The following FGD5 variants were observed in gnomAD, a reference collection of about 807,000 sequenced individuals.
FGD5 encodes the protein FYVE, RhoGEF and PH domain containing 5.
A neutral mutation model predicts 133.4 loss-of-function variants in FGD5; 28 were observed. The ratio of observed to expected loss-of-function variants is 0.21; its 90% CI spans 0.16 to 0.29. FGD5 has a LOEUF of 0.29. Among genes scored for constraint, FGD5 ranks in the 10% least tolerant of loss-of-function variants. FGD5 has a pLI of 1.00. For missense variants in FGD5, 1,858 were observed against 1,895.2 expected (o/e 0.98, Z 0.36); for synonymous variants, 810 against 776.5 (o/e 1.04, Z -0.72).
At position 14,933,108 on chromosome 3, in the gene FGD5, G is replaced by C. The variant is rs1161913870; in HGVS notation, c.4353-23G>C. ...CATAGGCAGAGCCGCAAAACCAAAT[G>C]TCCTCCCTGTTTTGTTTTATAGGTG... On this transcript the variant is annotated intron_variant, in intron 19 of 19. Transcript: ENST00000285046. 4 of 1,612,130 alleles carry C rather than the reference G, an allele frequency of 2.5e-6. No individual in the cohort carries two copies. The East Asian group carries it at 8.9e-5, about 36-fold the overall frequency.
intron 4 of FGD5, among the ~76,000 whole-genome samples, chr3:14,893,740 C>CTTTTCTT (rs1216041348): frequency 7.8e-6 from 1 of 128,560 alleles, no homozygotes; most frequent in East Asian, 2.2e-4. Context: ...CTTTTTCTTT[C>CTTTTCTT]TTTTCTTTTT....
intron 10 of FGD5, among the ~76,000 whole-genome samples, chr3:14,908,496 C>G (rs575593323): frequency 6.6e-6 from 1 of 151,398 alleles, no homozygotes; most frequent in South Asian, 2.1e-4. Context: ...CACCATGATC[C>G]CAAACGTTGA....
chr3:14,918,795 G>T lies in FGD5; in HGVS notation c.3531G>T (p.Lys1177Asn), dbSNP rs2038613771. Residue 1177 changes from lysine to asparagine, a missense_variant, in exon 13 of 20, where the codon AAG becomes AAT. Lys to Asn is a moderately conservative substitution (Grantham distance 94). Transcript: ENST00000285046. ...PVMEKVPYAL[K>N]IETSESCLML... ...TGGAGAAAGTGCCCTACGCTCTAAA[G>T]ATTGAGACTTCCGAGTCCTGCCTGA... 1.2e-6 allele frequency: 2 copies of T among 1,614,010 alleles called. No individual in the cohort carries two copies. Among genetic ancestry groups the T allele is most frequent in the East Asian group, 4.5e-5 (2 of 44,880 alleles).
intron 2 of FGD5, among the ~76,000 whole-genome samples, chr3:14,868,809 C>T (rs1006159516): frequency 1.3e-5 from 2 of 152,162 alleles, no homozygotes; most frequent in African/African-American, 4.8e-5. Context: ...ATATACTGAG[C>T]GTCTACTCTG....
At chr3:14,839,166 C>T (rs553874231) in intron 1 of FGD5, among the ~76,000 whole-genome samples, 1 of 152,350 alleles carries the variant, frequency 6.6e-6, no homozygotes, top group East Asian at 1.9e-4. Flanking sequence ...GGGAAATGCA[C>T]AGGCTTCTGG....
Position 14,833,478 on chromosome 3 carries a change from G to A in FGD5, c.2525+11882G>A, listed in dbSNP as rs1027788097. 4.6e-5 allele frequency among the ~76,000 whole-genome samples: 7 copies of A among 152,118 alleles called. No homozygotes were observed. The East Asian group carries it at 1.2e-3, about 25-fold the overall frequency. ...TCCTCTGATACAGTGAGACTTTCTCGCACTGAGAGATGTGTCCAGCAGGGT... is the reference window on the plus strand; with the variant it reads ...TCCTCTGATACAGTGAGACTTTCTCACACTGAGAGATGTGTCCAGCAGGGT... On this transcript the variant is annotated intron_variant, in intron 1 of 19. Transcript: ENST00000285046.
chr3:14,919,177 T>G (rs946070209), intron 13 of FGD5, among the ~76,000 whole-genome samples: 11 of 152,078 alleles, frequency 7.2e-5, no homozygotes, highest in Non-Finnish European at 1.6e-4. Context: ...TTAAGGCCAG[T>G]AAAAAATGTA....
At chr3:14,869,069 C>T (rs1421333103) in intron 2 of FGD5, among the ~76,000 whole-genome samples, 2 of 152,080 alleles carry the variant, frequency 1.3e-5, no homozygotes, top group Non-Finnish European at 2.9e-5. Flanking sequence ...CTGAGGTGGG[C>T]GGATCACGAG....
chr3:14,914,565 G>T (rs1039548674), intron 11 of FGD5, among the ~76,000 whole-genome samples: 4 of 152,218 alleles, frequency 2.6e-5, no homozygotes, highest in African/African-American at 7.2e-5. Context: ...ATCACAGAGA[G>T]GCTGGGGCTG....
At chr3:14,870,479 C>T (rs2037585110) in intron 2 of FGD5, among the ~76,000 whole-genome samples, 1 of 152,212 alleles carries the variant, frequency 6.6e-6, no homozygotes, top group Admixed American at 6.5e-5. Context: ...TGAGCCTCAG[C>T]CCTGGTGGCC....
chr3:14,839,963 AACAG>A lies in FGD5; in HGVS notation c.2525+18368_2525+18371del, dbSNP rs1194014473. ...AAACAAACAAACAAACAAACAAACA[AACAG>A]TGTTTTACAAAAAGCCACAGGCACT... On this transcript the variant is annotated intron_variant, in intron 1 of 19. Transcript: ENST00000285046. 9.0e-3 allele frequency among the ~76,000 whole-genome samples: 1,238 copies of A among 136,850 alleles called. 16 individuals carry two copies. The highest frequency in any genetic ancestry group is 0.029 in the African/African-American group (1,058 of 36,018). 89.8% of individuals were successfully genotyped at this position (136,850 alleles called of 152,430 possible).
rs546389054 is a variant in FGD5, at chr3:14,820,032, G to C, written c.961G>C (p.Ala321Pro). Reference sequence around the variant, plus strand: ...GGAGGACCATGCACAGGATGAGTCCGCCGAGGAGAGCTGCCAGATTGTCCC... The same window carrying C: ...GGAGGACCATGCACAGGATGAGTCCCCCGAGGAGAGCTGCCAGATTGTCCC... ...TLEDHAQDESAEESCQIVPFE... is the reference protein window; with the variant it reads ...TLEDHAQDESPEESCQIVPFE... The change falls in exon 1 of 20, where the codon GCC becomes CCC. Residue 321 changes from alanine (A) to proline (P), a missense_variant. By Grantham distance (27) the Ala-to-Pro change is conservative. Transcript: ENST00000285046. The C allele has an allele frequency of 2.5e-6, 4 of 1,613,994 alleles. No individual in the cohort carries two copies. The African/African-American group carries it at 5.3e-5, about 22-fold the overall frequency.
At chr3:14,860,741 A>C (rs1416753904) in intron 1 of FGD5, among the ~76,000 whole-genome samples, 1 of 152,082 alleles carries the variant, frequency 6.6e-6, no homozygotes, top group Non-Finnish European at 1.5e-5. Flanking sequence ...GGGGATGCTG[A>C]GGTGGGAGGA....
rs749779456 is a variant in FGD5, at chr3:14,864,205, A to C, written c.2603A>C (p.Gln868Pro). 1 of 1,614,048 alleles carries C rather than the reference A, an allele frequency of 6.2e-7. No homozygotes were observed. The highest frequency in any genetic ancestry group is 8.5e-7 in the Non-Finnish European group (1 of 1,179,888). ...PKEDLTSDEE[Q>P]RSSEEEDSAS... ...GAGGACCTTACGTCGGATGAAGAGC[A>C]GAGAAGCTCGGAGGAGGAGGACAGT... Residue 868 changes from glutamine to proline, a missense_variant, in exon 2 of 20, where the codon CAG becomes CCG. Physicochemically the swap from Gln to Pro is moderately conservative, Grantham distance 76. This residue lies in a region of FGD5 where 1,824 missense variants were observed against 1,848.9 expected (regional missense o/e 0.99). Transcript: ENST00000285046.
At chr3:14,876,687 G>A (rs1425933960) in intron 2 of FGD5, among the ~76,000 whole-genome samples, 1 of 152,164 alleles carries the variant, frequency 6.6e-6, no homozygotes, top group African/African-American at 2.4e-5. Context: ...GAATTGTTTT[G>A]GTTGACTTAA....
chr3:14,815,078 A>G (rs1374528589), upstream of FGD5, among the ~76,000 whole-genome samples: 2 of 151,930 alleles, frequency 1.3e-5, no homozygotes, highest in Non-Finnish European at 2.9e-5. Flanking sequence ...GTTTATTTCA[A>G]CACATTAGCC....
intron 1 of FGD5, among the ~76,000 whole-genome samples, chr3:14,836,898 T>C (rs1186304974): frequency 1.3e-5 from 2 of 152,132 alleles, no homozygotes; most frequent in Non-Finnish European, 2.9e-5. Flanking sequence ...TGAGCAGGGC[T>C]CAAAGGGCGA....
chr3:14,925,165 A>T (rs1444884342), intron 17 of FGD5, among the ~76,000 whole-genome samples: 3 of 151,826 alleles, frequency 2.0e-5, no homozygotes. Flanking sequence ...AAAAAAGTAC[A>T]AAACAGCACA....
chr3:14,926,212 G>A lies in FGD5; in HGVS notation c.4197+14G>A. On this transcript the variant is annotated intron_variant, in intron 18 of 19. Coordinates refer to ENST00000285046, the MANE Select transcript of FGD5 (RefSeq NM_152536.4). Reference sequence around the variant, plus strand: ...ATGGCCAGTGAGGTAGTAGTGATCTGCACTCTCTCCCCTCTCCTCTCTCCT... The same window carrying A: ...ATGGCCAGTGAGGTAGTAGTGATCTACACTCTCTCCCCTCTCCTCTCTCCT... The A allele has an allele frequency of 6.2e-7, 1 of 1,612,074 alleles. No individual in the cohort carries two copies. The highest frequency in any genetic ancestry group is 1.7e-5 in the Admixed American group (1 of 59,936).
Sources: gnomAD v4.1 joint callset for allele counts (sites outside exome capture counted in the v4.1 genomes callset) on GRCh38, gnomAD v4.1.1 for gene constraint, gnomAD v4.1.1 regional missense constraint, MANE v1.5 for transcripts, NCBI Gene and HGNC (gene_info 2026-07-23, HGNC 2026-07-21) for gene names.